The following ENOX1 variants were observed in gnomAD, a reference collection of about 807,000 sequenced individuals.
ENOX1 encodes the protein ecto-NOX disulfide-thiol exchanger 1.
In ENOX1, 42 loss-of-function variants were observed where a neutral mutation model predicts 82.5. The ratio of observed to expected loss-of-function variants is 0.51; its 90% CI spans 0.40 to 0.66. ENOX1 has a LOEUF of 0.66. Ranked by LOEUF, ENOX1 falls within the 30% of genes least tolerant of loss-of-function variation. The pLI is 0.00. For missense variants in ENOX1, 608 were observed against 811.6 expected, an observed-to-expected ratio of 0.75 and a Z score of 3.05; for synonymous variants, 271 against 282.2, an observed-to-expected ratio of 0.96 and a Z score of 0.40.
At chr13:43,520,185 C>A (rs2077709389) in intron 2 of ENOX1, among the ~76,000 whole-genome samples, 1 of 152,154 alleles carries the variant, frequency 6.6e-6, no homozygotes, top group Non-Finnish European at 1.5e-5. Flanking sequence ...TACTGCATAG[C>A]TTGTTGATCT....
intron 1 of ENOX1, among the ~76,000 whole-genome samples, chr13:43,778,899 A>T (rs1188069628): frequency 6.6e-6 from 1 of 152,198 alleles, no homozygotes; most frequent in African/African-American, 2.4e-5. Flanking sequence ...CAGGTAAGTG[A>T]CCACATGGCA....
intron 1 of ENOX1, among the ~76,000 whole-genome samples, chr13:43,715,555 A>C (rs962074222): frequency 1.1e-4 from 16 of 152,106 alleles, no homozygotes; most frequent in Non-Finnish European, 1.8e-4. Context: ...AATATCCTGC[A>C]GAGTGTTTTC....
chr13:43,784,007 A>G (rs757011332), intron 1 of ENOX1, among the ~76,000 whole-genome samples: 3 of 152,240 alleles, frequency 2.0e-5, no homozygotes, highest in Admixed American at 6.5e-5. Flanking sequence ...TTGCCAGGCA[A>G]CAAAATACTA....
At chr13:43,416,465 T>TCCTCACATCCCA (rs2054576193) in intron 3 of ENOX1, among the ~76,000 whole-genome samples, 1 of 47,136 alleles carries the variant, frequency 2.1e-5, no homozygotes, top group Admixed American at 2.1e-4. Flanking sequence ...CCAGATGGGG[T>TCCTCACATCCCA]GGCCGGGCAG....
chr13:43,754,689 ATCT>A (rs1950553390), intron 1 of ENOX1, among the ~76,000 whole-genome samples: 1 of 151,606 alleles, frequency 6.6e-6, no homozygotes, highest in Non-Finnish European at 1.5e-5. Flanking sequence ...GGCTCAATAG[ATCT>A]TCTTGCCTCA....
In ENOX1 at chr13:43,361,407, GTCA is replaced by G; in HGVS notation, c.251_253del (p.Met84del). 1.2e-6 allele frequency: 2 copies of G among 1,613,268 alleles called. No individual in the cohort carries two copies. The highest frequency in any genetic ancestry group is 1.7e-6 in the Non-Finnish European group (2 of 1,179,838). ...CATTGGGTTAATGGGGGTGATTCCA[GTCA>G]TCATGTTGAGGCTTGGATCAAAGCC... On this transcript the variant is annotated inframe_deletion, in exon 6 of 17. Transcript: ENST00000690772.
At position 43,501,775 on chromosome 13, in the gene ENOX1, A is replaced by G. The variant is rs1037208042; in HGVS notation, c.-218-17623T>C. 2.2e-5 allele frequency among the ~76,000 whole-genome samples: 3 copies of G among 135,900 alleles called. No individual in the cohort carries two copies. In the East Asian group the frequency reaches 5.9e-4, roughly 27 times the overall value. 89.2% of individuals were successfully genotyped at this position (135,900 alleles called of 152,430 possible). ...AAATAATAAGAGGGAATTTTATAGT[A>G]TAAACACCTACCTTAACAAAAAAAA... On this transcript the variant is annotated intron_variant, in intron 2 of 16. Coordinates refer to ENST00000690772, the MANE Select transcript of ENOX1 (RefSeq NM_001347969.2).
intron 2 of ENOX1, among the ~76,000 whole-genome samples, chr13:43,551,370 A>G (rs1159150163): frequency 6.6e-6 from 1 of 152,176 alleles, no homozygotes; most frequent in Non-Finnish European, 1.5e-5. Context: ...CTGGGATGAA[A>G]CCAATTTGAT....
chr13:43,424,590 C>T (rs77341650), intron 3 of ENOX1, among the ~76,000 whole-genome samples: 5,553 of 152,272 alleles, frequency 0.036, 138 homozygotes, highest in South Asian at 0.089. Context: ...ATGCCACTGC[C>T]GCATGATGAA....
chr13:43,290,431 G>A (rs1298251300), intron 12 of ENOX1, among the ~76,000 whole-genome samples: 1 of 152,056 alleles, frequency 6.6e-6, no homozygotes, highest in Non-Finnish European at 1.5e-5. Flanking sequence ...AAAAAAGAAT[G>A]AAATCATGTC....
At chr13:43,276,817 C>T (rs1157293502) in intron 12 of ENOX1, among the ~76,000 whole-genome samples, 2 of 87,590 alleles carry the variant, frequency 2.3e-5, no homozygotes, top group African/African-American at 8.2e-5. Flanking sequence ...ATCTACAATG[C>T]TCACTTTTCT....
At chr13:43,614,732 G>C (rs749612377) in intron 2 of ENOX1, among the ~76,000 whole-genome samples, 1 of 152,008 alleles carries the variant, frequency 6.6e-6, no homozygotes, top group Non-Finnish European at 1.5e-5. Flanking sequence ...TTTCCTACCA[G>C]TTACATGTGG....
rs17064717 is a variant in ENOX1 at position 43,566,392 on chromosome 13, C to A, written c.-218-82240G>T. 2.6e-3 allele frequency among the ~76,000 whole-genome samples: 388 copies of A among 151,836 alleles called. 1 individual carries two copies. The highest frequency in any genetic ancestry group is 9.0e-3 in the African/African-American group (373 of 41,428). ...GCAGGTATAGTAATTTTAATGCAAC[C>A]CATCAATGCATAGATCAATGAATTT... On this transcript the variant is annotated intron_variant, in intron 2 of 16. Coordinates refer to ENST00000690772, the MANE Select transcript of ENOX1 (RefSeq NM_001347969.2).
chr13:43,538,664 G>T (rs191388868), intron 2 of ENOX1, among the ~76,000 whole-genome samples: 1 of 152,206 alleles, frequency 6.6e-6, no homozygotes, highest in East Asian at 1.9e-4. Flanking sequence ...ACATAAAGTT[G>T]TTAATATCCT....
intron 3 of ENOX1, among the ~76,000 whole-genome samples, chr13:43,473,685 A>C (rs965509257): frequency 6.6e-6 from 1 of 152,190 alleles, no homozygotes; most frequent in African/African-American, 2.4e-5. Context: ...CACTGGCTGC[A>C]TGCCAAATTT....
In ENOX1 at chr13:43,535,434, T is replaced by C. The variant is rs188452470; in HGVS notation, c.-218-51282A>G. On this transcript the variant is annotated intron_variant, in intron 2 of 16. Transcript: ENST00000690772. ...TCCCAGGAAGCAATGCTTGGCCCTC[T>C]TGGGTCTTCTTATACCCTGCCTTCC... Among the ~76,000 whole-genome samples, 360 of 152,312 alleles carry C rather than the reference T, an allele frequency of 2.4e-3. 6 individuals carry two copies. The highest frequency in any genetic ancestry group is 2.6e-3 in the Non-Finnish European group (176 of 68,022).
At chr13:43,324,144 T>C (rs954260850) in intron 10 of ENOX1, among the ~76,000 whole-genome samples, 2 of 152,194 alleles carry the variant, frequency 1.3e-5, no homozygotes, top group South Asian at 4.1e-4. Context: ...CACATGTGAT[T>C]AGTGCGGAAA....
rs181524822 is a variant in ENOX1, at chr13:43,562,776, C to T, written c.-218-78624G>A. ...GTACCAGACAAAACAGATTTCAAGA[C>T]AAAACCTATAAATGGAGACAAAGAA... On this transcript the variant is annotated intron_variant, in intron 2 of 16. Transcript: ENST00000690772. 5.3e-5 allele frequency among the ~76,000 whole-genome samples: 8 copies of T among 152,176 alleles called. No homozygotes were observed. In the East Asian group the frequency reaches 1.5e-3, roughly 29 times the overall value.
intron 8 of ENOX1, among the ~76,000 whole-genome samples, chr13:43,348,327 C>G (rs950365564): frequency 6.6e-6 from 1 of 152,146 alleles, no homozygotes; most frequent in African/African-American, 2.4e-5. Context: ...TTTTGAGGGG[C>G]TAATATGAGA....
Sources: gnomAD v4.1 joint callset for allele counts (sites outside exome capture counted in the v4.1 genomes callset) on GRCh38, gnomAD v4.1.1 for gene constraint, MANE v1.5 for transcripts, NCBI Gene and HGNC (gene_info 2026-07-23, HGNC 2026-07-21) for gene names.